The following CHMP3 variants were observed in gnomAD, a reference collection of about 807,000 sequenced individuals.
CHMP3 encodes 25.1 protein.
A neutral mutation model predicts 27.4 loss-of-function variants in CHMP3; 8 were observed. That is an observed-to-expected ratio of 0.29 (90% CI 0.17 to 0.53). The LOEUF is 0.53. Among genes scored for constraint, CHMP3 ranks in the 20% least tolerant of loss-of-function variants. The pLI, the probability that CHMP3 is intolerant of heterozygous loss-of-function variation, is 0.96. For synonymous variants in CHMP3, 86 were observed against 85.5 expected, an observed-to-expected ratio of 1.01 and a Z score of -0.03; for missense variants, 208 against 271.5, an observed-to-expected ratio of 0.77 and a Z score of 1.64.
chr2:86,544,891 C>T (rs1032668450), intron 1 of CHMP3, among the ~76,000 whole-genome samples: 5 of 152,004 alleles, frequency 3.3e-5, no homozygotes, highest in African/African-American at 7.2e-5. Context: ...ACGGGGCGAC[C>T]GGGCAGAGGC....
chr2:86,507,448 A>G, intron 5 of CHMP3, 31 bp downstream of exon 5: 1 of 1,592,768 alleles, frequency 6.3e-7, no homozygotes, highest in East Asian at 2.2e-5. Context: ...CCATAAAAAG[A>G]GAGGAGAAAG....
At chr2:86,509,893 C>T (rs1165977572) in intron 4 of CHMP3, among the ~76,000 whole-genome samples, 1 of 152,216 alleles carries the variant, frequency 6.6e-6, no homozygotes, top group South Asian at 2.1e-4. Context: ...AGGTCCTTGC[C>T]AGACCCTGAT....
chr2:86,540,889 T>G (rs189411599), intron 2 of CHMP3: 20 of 151,998 alleles, frequency 1.3e-4, no homozygotes, highest in Admixed American at 1.0e-3. Context: ...GCTTTTCTCC[T>G]GTTTTGGGGT....
At chr2:86,519,589 GTATA>G (rs1188209544) in intron 3 of CHMP3, among the ~76,000 whole-genome samples, 2 of 152,044 alleles carry the variant, frequency 1.3e-5, no homozygotes, top group African/African-American at 4.8e-5. Flanking sequence ...ATTCATATGA[GTATA>G]TGAGTATAAT....
chr2:86,554,817 G>A (rs923945199), intron 1 of CHMP3, among the ~76,000 whole-genome samples: 3 of 97,436 alleles, frequency 3.1e-5, no homozygotes, highest in African/African-American at 2.0e-4. Context: ...GTGTGCGCGC[G>A]TGTGTGTGTG....
intron 2 of CHMP3, among the ~76,000 whole-genome samples, chr2:86,529,940 A>C (rs1312426377): frequency 1.3e-5 from 2 of 152,214 alleles, no homozygotes; most frequent in Admixed American, 1.3e-4. Flanking sequence ...CAGTGGAATA[A>C]AGTAACATTC....
rs1463047028 is a variant in CHMP3, at chr2:86,504,529, G to GA, written c.*1274dup. The GA allele has an allele frequency of 8.7e-5, 6 of 68,878 alleles. No homozygotes were observed. The highest frequency in any genetic ancestry group is 1.7e-4 in the Non-Finnish European group (6 of 36,174). The allele number at this position is 68,878 out of a possible 1,614,324, so 4.3% of individuals were successfully genotyped here. ...TTTTTTTTTTTTTTTTTTTTTTTTG[G>GA]AGAGACAGGATCTTGCTATGTTGCC... On this transcript the variant is annotated 3_prime_UTR_variant, in exon 6 of 6. Coordinates refer to ENST00000263856, the MANE Select transcript of CHMP3 (RefSeq NM_016079.4).
chr2:86,507,481 G>C lies in CHMP3; in HGVS notation c.521C>G (p.Ala174Gly). The change falls in exon 5 of 6, where the codon GCA (alanine) becomes GGA (glycine). Residue 174 changes from alanine (A) to glycine (G), a missense_variant and splice_region_variant. Ala to Gly is a moderately conservative substitution (Grantham distance 60). Transcript: ENST00000263856. ...EIDRILFEITAGALGKAPSKV... is the reference protein window; with the variant it reads ...EIDRILFEITGGALGKAPSKV... The stretch of plus-strand genomic sequence containing the variant: ...AAGGATGGATCTCACGGTCATACCT[G>C]CTGTAATTTCAAAGAGAATTCTGTC... The C allele has an allele frequency of 6.2e-7, 1 of 1,613,446 alleles. No individual in the cohort carries two copies. The highest frequency in any genetic ancestry group is 8.5e-7 in the Non-Finnish European group (1 of 1,179,402).
chr2:86,510,300 T>TA, intron 4 of CHMP3, 58 bp downstream of exon 4: 1 of 1,563,400 alleles, frequency 6.4e-7, no homozygotes, highest in Non-Finnish European at 8.7e-7. Context: ...AGCCCCCTGT[T>TA]ACTTGTTTAG....
intron 2 of CHMP3, among the ~76,000 whole-genome samples, chr2:86,534,581 T>C (rs1340785734): frequency 6.6e-6 from 1 of 152,222 alleles, no homozygotes; most frequent in African/African-American, 2.4e-5. Flanking sequence ...ATCTAACTAT[T>C]ATGGAAGAAC....
At chr2:86,545,381 G>A (rs1164074981) in intron 1 of CHMP3, among the ~76,000 whole-genome samples, 2 of 135,332 alleles carry the variant, frequency 1.5e-5, no homozygotes, top group Non-Finnish European at 3.2e-5. Flanking sequence ...CCTCCCGGAC[G>A]GGGTGGCCGG....
intron 5 of CHMP3, among the ~76,000 whole-genome samples, chr2:86,506,535 A>G (rs1412622650): frequency 6.6e-6 from 1 of 152,154 alleles, no homozygotes; most frequent in African/African-American, 2.4e-5. Flanking sequence ...GTTAACGAGT[A>G]TATTTCTATA....
In CHMP3 at chr2:86,563,390, C is replaced by G. The variant is rs565201735; in HGVS notation, c.-42G>C. The G allele has an allele frequency of 1.9e-6, 3 of 1,604,560 alleles. No individual in the cohort carries two copies. In the East Asian group the frequency reaches 6.7e-5, roughly 36 times the overall value. On this transcript the variant is annotated 5_prime_UTR_variant, in exon 1 of 6. Coordinates refer to ENST00000263856, the MANE Select transcript of CHMP3 (RefSeq NM_016079.4). ...CTTGCCCCTTCCGGCTTTCAGTTCC[C>G]CGCGCCCAGGCAGGTCACGGGCAGC... is the stretch of plus-strand genomic sequence containing the variant.
intron 1 of CHMP3, among the ~76,000 whole-genome samples, chr2:86,552,185 C>T (rs1023960578): frequency 1.3e-5 from 2 of 152,198 alleles, no homozygotes; most frequent in Admixed American, 6.5e-5. Flanking sequence ...CTATAACACA[C>T]TAAATATATA....
At chr2:86,557,409 C>T (rs1007024287) in intron 1 of CHMP3, among the ~76,000 whole-genome samples, 4 of 152,198 alleles carry the variant, frequency 2.6e-5, no homozygotes, top group African/African-American at 9.7e-5. Context: ...GGCCACTAAC[C>T]GGCCTCCCTA....
intron 2 of CHMP3, among the ~76,000 whole-genome samples, chr2:86,534,820 C>T (rs1036973399): frequency 9.2e-5 from 14 of 152,116 alleles, no homozygotes; most frequent in African/African-American, 3.4e-4. Context: ...CTTTTTCCAT[C>T]CTTTTGCTTC....
intron 3 of CHMP3, among the ~76,000 whole-genome samples, chr2:86,527,864 G>A (rs1024324969): frequency 1.4e-5 from 2 of 147,670 alleles, no homozygotes; most frequent in African/African-American, 5.2e-5. Flanking sequence ...GGGAGGGTGA[G>A]GCGGGCGAAT....
At chr2:86,507,348 G>A (rs1674924855) in intron 5 of CHMP3, 131 bp downstream of exon 5, 2 of 709,856 alleles carry the variant, frequency 2.8e-6, no homozygotes. Flanking sequence ...CAAGAAATAA[G>A]CTGCACAGTG....
In CHMP3 at chr2:86,549,155, G is replaced by A. The variant is rs1199087285; in HGVS notation, c.46-6843C>T. Among the ~76,000 whole-genome samples the A allele has an allele frequency of 1.2e-4, 17 of 146,614 alleles. No individual in the cohort carries two copies. The East Asian group carries it at 1.5e-3, about 13-fold the overall frequency. ...GCGCCCCTCACGTCCCAGACGGGGC[G>A]GCCGGGCAGAGGCGCCCACTTCCCA... On this transcript the variant is annotated intron_variant, in intron 1 of 5. Transcript: ENST00000263856.
Sources: allele counts gnomAD v4.1 joint callset (sites outside exome capture counted in the v4.1 genomes callset), GRCh38; gene constraint gnomAD v4.1.1; transcripts MANE v1.5; gene names NCBI Gene and HGNC (gene_info 2026-07-23, HGNC 2026-07-21).